BCAR3: variants seen among roughly 807,000 people sequenced by gnomAD.
The protein encoded by BCAR3 is breast cancer anti-estrogen resistance protein 3.
Under a neutral mutation model 80.1 loss-of-function variants are expected in BCAR3, and 37 were observed. That is an observed-to-expected ratio of 0.46 (90% confidence interval 0.36 to 0.61). The LOEUF (loss-of-function observed/expected upper bound fraction) is 0.61. Ranked by LOEUF, BCAR3 falls within the 20% of genes least tolerant of loss-of-function variation. The pLI is 0.00. For missense variants in BCAR3, 978 were observed against 1,068.2 expected, an observed-to-expected ratio of 0.92 and a Z score of 1.18; for synonymous variants, 389 against 418.9, an observed-to-expected ratio of 0.93 and a Z score of 0.87.
chr1:93,687,605 C>T (rs1649020405), intron 3 of BCAR3, among the ~76,000 whole-genome samples: 1 of 152,218 alleles, frequency 6.6e-6, no homozygotes, highest in Non-Finnish European at 1.5e-5. Flanking sequence ...TCACACCCAG[C>T]CACACTTAAA....
At chr1:93,762,478 T>A (rs143181082) in intron 2 of BCAR3, among the ~76,000 whole-genome samples, 256 of 152,288 alleles carry the variant, frequency 1.7e-3, no homozygotes, top group African/African-American at 6.0e-3. Flanking sequence ...TAGCAGTGGA[T>A]GCAGACAAGT....
chr1:93,696,778 A>G (rs541261077), intron 3 of BCAR3, among the ~76,000 whole-genome samples: 32 of 152,178 alleles, frequency 2.1e-4, no homozygotes, highest in Middle Eastern at 3.4e-3. Context: ...TTCATTCTCT[A>G]TCTAACCAAC....
At chr1:93,845,502 A>ATATATATCTATATCTTGTCAAG in intron 2 of BCAR3, 1 of 113,822 alleles carries the variant, frequency 8.8e-6, no homozygotes, top group African/African-American at 3.5e-5. Context: ...ATATATATAT[A>ATATATATCTATATCTTGTCAAG]AAACTTTGTT....
chr1:93,600,113 C>A lies in BCAR3; in HGVS notation c.358-7720G>T, dbSNP rs567138618. Among the ~76,000 whole-genome samples, 7 of 152,364 alleles carry A rather than the reference C, an allele frequency of 4.6e-5. No individual in the cohort carries two copies. The South Asian group carries it at 1.5e-3, about 32-fold the overall frequency. On this transcript the variant is annotated intron_variant, in intron 3 of 11. Transcript: ENST00000260502. The stretch of plus-strand genomic sequence containing the variant: ...CTCTTTCAACTCCTCTCCCACCACA[C>A]ACACATATACACAGAATCAACGAGC...
At chr1:93,591,167 T>TAAA (rs1674160881) in intron 4 of BCAR3, among the ~76,000 whole-genome samples, 1 of 69,532 alleles carries the variant, frequency 1.4e-5, no homozygotes, top group African/African-American at 1.0e-4. Context: ...ATCTACTACA[T>TAAA]TAAAAAAAAA....
intron 2 of BCAR3, among the ~76,000 whole-genome samples, chr1:93,718,688 CTTTTTTTTTTTT>C (rs71094259): frequency 2.6e-5 from 2 of 77,042 alleles, no homozygotes; most frequent in Non-Finnish European, 4.9e-5. Context: ...CATTGTTTTT[CTTTTTTTTTTTT>C]TTTTTTTTTT....
intron 9 of BCAR3, among the ~76,000 whole-genome samples, chr1:93,571,066 T>A (rs1673191015): frequency 6.6e-6 from 1 of 151,960 alleles, no homozygotes; most frequent in South Asian, 2.1e-4. Flanking sequence ...TAGCCAGGTG[T>A]GGTGGCCCAC....
chr1:93,674,979 G>C (rs373152599), intron 1 of BCAR3, 38 bp from the exon 2 acceptor site: 11 of 1,462,736 alleles, frequency 7.5e-6, no homozygotes, highest in Non-Finnish European at 1.0e-5. Context: ...ATAAATCTAT[G>C]AGAGTCACAA....
intron 2 of BCAR3, among the ~76,000 whole-genome samples, chr1:93,756,026 A>G (rs1651737561): frequency 6.6e-6 from 1 of 152,184 alleles, no homozygotes; most frequent in African/African-American, 2.4e-5. Context: ...ATACGTCCCC[A>G]GTTTCATGGG....
intron 7 of BCAR3, among the ~76,000 whole-genome samples, chr1:93,578,845 T>C (rs1673576279): frequency 6.6e-6 from 1 of 152,234 alleles, no homozygotes; most frequent in Non-Finnish European, 1.5e-5. Context: ...GTGCTCACTG[T>C]GGGCTAGGCA....
At chr1:93,576,554 G>A (rs1390145363) in intron 7 of BCAR3, among the ~76,000 whole-genome samples, 1 of 152,186 alleles carries the variant, frequency 6.6e-6, no homozygotes, top group Non-Finnish European at 1.5e-5. Flanking sequence ...GAGCCTCTCC[G>A]CTGTGGGCTT....
rs141439016 is a variant in BCAR3 at position 93,779,779 on chromosome 1, G to A, written c.-63+65788C>T. Among the ~76,000 whole-genome samples the A allele has an allele frequency of 3.1e-3, 474 of 152,232 alleles. 2 individuals are homozygous for A. The highest frequency in any genetic ancestry group is 4.0e-3 in the Non-Finnish European group (270 of 68,010). On this transcript the variant is annotated intron_variant, in intron 2 of 13. Transcript: ENST00000370244. ...TCTGCTAAAGGATTTTGCAGCAAGG[G>A]AATGGTATGTGGCAGCTGCAATACC...
Position 93,664,288 on chromosome 1 carries a change from T to C in BCAR3, c.317+10326A>G, listed in dbSNP as rs558370435. Among the ~76,000 whole-genome samples the C allele has an allele frequency of 2.1e-3, 313 of 152,218 alleles. 1 individual carries two copies. The highest frequency in any genetic ancestry group is 3.3e-3 in the Non-Finnish European group (224 of 68,020). On this transcript the variant is annotated intron_variant, in intron 2 of 11. Transcript: ENST00000260502. ...ACATGCACCACCACGCCCAGCTAAT[T>C]TTGTATTTTTAGTAGAGACAAGGTT...
chr1:93,643,705 G>C (rs541844061), intron 2 of BCAR3, among the ~76,000 whole-genome samples: 1 of 152,082 alleles, frequency 6.6e-6, no homozygotes, highest in African/African-American at 2.4e-5. Flanking sequence ...CAAGCATAGA[G>C]CTCTAATGGA....
chr1:93,664,371 G>A (rs917568523), intron 2 of BCAR3, among the ~76,000 whole-genome samples: 2 of 152,072 alleles, frequency 1.3e-5, no homozygotes. Context: ...CGCCCACCTC[G>A]GCCTCCCAAA....
chr1:93,724,248 C>T (rs1483596731), intron 2 of BCAR3, among the ~76,000 whole-genome samples: 1 of 152,130 alleles, frequency 6.6e-6, no homozygotes, highest in South Asian at 2.1e-4. Flanking sequence ...CCATGTCCAG[C>T]CTCTCAGGTG....
intron 2 of BCAR3, among the ~76,000 whole-genome samples, chr1:93,830,381 C>G (rs61782412): frequency 5.9e-5 from 9 of 152,138 alleles, no homozygotes; most frequent in Non-Finnish European, 1.3e-4. Flanking sequence ...ATCCAGATGG[C>G]CTGAAGTAAC....
At chr1:93,625,759 C>A (rs77774470) in intron 3 of BCAR3, among the ~76,000 whole-genome samples, 1,775 of 152,290 alleles carry the variant, frequency 0.012, 39 homozygotes, top group African/African-American at 0.041. Context: ...TTCCCAGGGT[C>A]TGACACATCC....
Position 93,592,602 on chromosome 1 carries a change from T to G in BCAR3, c.358-209A>C. On this transcript the variant is annotated intron_variant, in intron 3 of 11. Transcript: ENST00000260502. This position sits in a 1 kb window ranked among gnomAD's most constrained non-coding sequence, Gnocchi z 4.8. ...AAAATTTTCACCTGCACATGGGGAC[T>G]ATGGTAGGAGAGTCCACCAAGAGGT... The G allele has an allele frequency of 1.8e-6, 1 of 565,796 alleles. No homozygotes were observed. Among genetic ancestry groups the G allele is most frequent in the Non-Finnish European group, 3.0e-6 (1 of 336,842 alleles). The allele number at this position is 565,796 out of a possible 1,614,324, so 35.0% of individuals were successfully genotyped here.
Sources: gnomAD v4.1 joint callset for allele counts (sites outside exome capture counted in the v4.1 genomes callset) on GRCh38, gnomAD v4.1.1 for gene constraint, Gnocchi (gnomAD v3.1) non-coding constraint, MANE v1.5 for transcripts, NCBI Gene and HGNC (gene_info 2026-07-23, HGNC 2026-07-21) for gene names.